Variants in CACNG2 observed in about 807,000 individuals in gnomAD.
CACNG2 encodes the protein calcium voltage-gated channel auxiliary subunit gamma 2, also known as voltage-dependent calcium channel gamma-2 subunit.
CACNG2 carries 3 observed loss-of-function variants against 25.9 expected under a neutral mutation model. The ratio of observed to expected loss-of-function variants is 0.12; its 90% confidence interval spans 0.05 to 0.30. CACNG2 has a LOEUF of 0.30. Among genes scored for constraint, CACNG2 ranks in the 10% least tolerant of loss-of-function variants. CACNG2 has a pLI of 1.00. For missense variants in CACNG2, 341 were observed against 432.5 expected, an observed-to-expected ratio of 0.79 and a Z score of 1.88; for synonymous variants, 167 against 173.3, an observed-to-expected ratio of 0.96 and a Z score of 0.29.
chr22:36,646,922 G>A (rs9622439), intron 1 of CACNG2, among the ~76,000 whole-genome samples: 20,803 of 151,900 alleles, frequency 0.14, 3,822 homozygotes, highest in African/African-American at 0.42. Context: ...TTTTCTTATA[G>A]CCTGTGGGAT....
intron 1 of CACNG2, among the ~76,000 whole-genome samples, chr22:36,628,339 T>C (rs1936215875): frequency 1.3e-5 from 2 of 152,212 alleles, no homozygotes; most frequent in Non-Finnish European, 2.9e-5. Context: ...CCCAGATGGA[T>C]ATTAGAGAGG....
intron 1 of CACNG2, among the ~76,000 whole-genome samples, chr22:36,701,700 G>A (rs908737351): frequency 6.6e-6 from 1 of 152,172 alleles, no homozygotes; most frequent in Non-Finnish European, 1.5e-5. Context: ...TGTGAGAGAC[G>A]TATGTATTTT....
chr22:36,699,672 G>A (rs989337609), intron 1 of CACNG2, among the ~76,000 whole-genome samples: 1 of 151,824 alleles, frequency 6.6e-6, no homozygotes, highest in Non-Finnish European at 1.5e-5. Context: ...GATCTTTTTT[G>A]AAAGTCCAAT....
At chr22:36,611,020 A>G (rs944779142) in intron 1 of CACNG2, among the ~76,000 whole-genome samples, 1 of 152,150 alleles carries the variant, frequency 6.6e-6, no homozygotes, top group Non-Finnish European at 1.5e-5. Flanking sequence ...GTGTTGTGAC[A>G]CTCTGGAATC....
At chr22:36,572,527 C>T (rs1935249701) in intron 2 of CACNG2, among the ~76,000 whole-genome samples, 1 of 152,128 alleles carries the variant, frequency 6.6e-6, no homozygotes, top group South Asian at 2.1e-4. Context: ...TATGGCGAAA[C>T]CCCATCTCTA....
chr22:36,679,197 C>CTTT lies in CACNG2; in HGVS notation c.211+23168_211+23169insAAA, dbSNP rs1937060219. Among the ~76,000 whole-genome samples, 313 of 54,792 alleles carry CTTT rather than the reference C, an allele frequency of 5.7e-3. 3 individuals carry two copies. Among genetic ancestry groups the CTTT allele is most frequent in the Middle Eastern group, 0.013 (1 of 80 alleles). 35.9% of individuals were successfully genotyped at this position (54,792 alleles called of 152,430 possible). A position where few individuals can be genotyped will look rare whatever the true frequency, so the allele number is the denominator to read the frequency against. On this transcript the variant is annotated intron_variant, in intron 1 of 3. Transcript: ENST00000300105. ...TCCTTCCTTCCTTCCTTCCTTCCTT[C>CTTT]CTTTCTTTCTTTCTTTCTTTCTTTC...
intron 1 of CACNG2, among the ~76,000 whole-genome samples, chr22:36,680,261 C>T (rs1378406174): frequency 5.9e-5 from 9 of 151,456 alleles, no homozygotes; most frequent in Admixed American, 2.0e-4. Context: ...ATCATCAACA[C>T]CACCACCATC....
In CACNG2 at chr22:36,564,376, G is replaced by A; in HGVS notation, c.947C>T (p.Ala316Val). 1.9e-6 allele frequency: 3 copies of A among 1,613,962 alleles called. No individual in the cohort carries two copies. Among genetic ancestry groups the A allele is most frequent in the Non-Finnish European group, 2.5e-6 (3 of 1,179,910 alleles). The change falls in exon 4 of 4, where the codon GCC (alanine) becomes GTC (valine). Residue 316 changes from alanine (A) to valine (V), a missense_variant. This residue lies in a region of CACNG2 where 172 missense variants were observed against 178.1 expected (regional missense o/e 0.97). Coordinates refer to ENST00000300105, the MANE Select transcript of CACNG2 (RefSeq NM_006078.5). This position sits in a 1 kb window ranked among gnomAD's most constrained non-coding sequence, Gnocchi z 6.7. The stretch of plus-strand genomic sequence containing the variant: ...TTATACGGGGGTGGTCCGGCGGTTG[G>A]CTGTGTTGGAGTGGAGAGAGTCCTT... The part of the protein sequence containing the change: ...ENKDSLHSNT[A>V]NRRTTPV
At position 36,696,564 on chromosome 22, in the gene CACNG2, A is replaced by G. The variant is rs117807180; in HGVS notation, c.211+5802T>C. ...AGGTAGATTGACTTCTTGCACTGTC[A>G]TGATTGCTGTGGGCACAGCAGTGAG... On this transcript the variant is annotated intron_variant, in intron 1 of 3. Coordinates refer to ENST00000300105, the MANE Select transcript of CACNG2 (RefSeq NM_006078.5). Among the ~76,000 whole-genome samples the G allele has an allele frequency of 2.8e-3, 425 of 152,322 alleles. 21 individuals are homozygous for G. In the East Asian group the frequency reaches 0.062, roughly 22 times the overall value.
intron 1 of CACNG2, among the ~76,000 whole-genome samples, chr22:36,607,244 G>C (rs1397327583): frequency 1.3e-5 from 2 of 152,042 alleles, no homozygotes; most frequent in East Asian, 3.9e-4. Context: ...CCCCAAACCT[G>C]TCTTGGCCCT....
At chr22:36,592,922 G>C (rs906526695) in intron 1 of CACNG2, among the ~76,000 whole-genome samples, 2 of 152,166 alleles carry the variant, frequency 1.3e-5, no homozygotes, top group African/African-American at 4.8e-5. Flanking sequence ...GGCTCTCATC[G>C]GCAGGGCAGT....
chr22:36,601,734 C>T (rs551217493), intron 1 of CACNG2, among the ~76,000 whole-genome samples: 9 of 152,294 alleles, frequency 5.9e-5, no homozygotes, highest in African/African-American at 1.2e-4. Flanking sequence ...CCATGCGCCT[C>T]GGCCTCCTGA....
At chr22:36,599,616 C>A (rs181108102) in intron 1 of CACNG2, among the ~76,000 whole-genome samples, 1 of 152,226 alleles carries the variant, frequency 6.6e-6, no homozygotes, top group Admixed American at 6.5e-5. Context: ...AGGAGGACTG[C>A]TAGAGCCTGG....
Position 36,625,026 on chromosome 22 carries a change from CAAAA to C in CACNG2, c.212-37482_212-37479del, listed in dbSNP as rs57987215. ...CTGGCAACAGAGTGAGACTCTGTCT[CAAAA>C]AAAAAAAAAAAAGAACCACAGATTA... On this transcript the variant is annotated intron_variant, in intron 1 of 3. Transcript: ENST00000300105. Among the ~76,000 whole-genome samples the C allele has an allele frequency of 5.5e-4, 37 of 67,634 alleles. 1 individual carries two copies. In the East Asian group the frequency reaches 0.017, roughly 32 times the overall value. 44.4% of individuals were successfully genotyped at this position (67,634 alleles called of 152,430 possible).
In CACNG2 at chr22:36,627,984, G is replaced by C. The variant is rs1200584430; in HGVS notation, c.212-40436C>G. Among the ~76,000 whole-genome samples the C allele has an allele frequency of 2.6e-5, 4 of 152,144 alleles. No individual in the cohort carries two copies. The East Asian group carries it at 7.7e-4, about 29-fold the overall frequency. ...TGATGTTAAGAAAAAAGAGAAAATTGTGCATACAATATGAACTGAATCCTA... is the reference window on the plus strand; with the variant it reads ...TGATGTTAAGAAAAAAGAGAAAATTCTGCATACAATATGAACTGAATCCTA... On this transcript the variant is annotated intron_variant, in intron 1 of 3. Coordinates refer to ENST00000300105, the MANE Select transcript of CACNG2 (RefSeq NM_006078.5).
chr22:36,571,768 T>C (rs1447796469), intron 2 of CACNG2, among the ~76,000 whole-genome samples: 1 of 151,486 alleles, frequency 6.6e-6, no homozygotes, highest in Non-Finnish European at 1.5e-5. Flanking sequence ...CCCCAGCTAC[T>C]TGGGGGGCTG....
chr22:36,568,974 C>T (rs1228825711), intron 2 of CACNG2, among the ~76,000 whole-genome samples: 1 of 152,136 alleles, frequency 6.6e-6, no homozygotes, highest in Non-Finnish European at 1.5e-5. Flanking sequence ...GGGAGGTGTT[C>T]TCTCCTTGCA....
At chr22:36,676,684 T>C (rs1937024398) in intron 1 of CACNG2, among the ~76,000 whole-genome samples, 1 of 152,236 alleles carries the variant, frequency 6.6e-6, no homozygotes, top group Admixed American at 6.5e-5. Context: ...AGCATTTTCC[T>C]CTTCGTCTGT....
At chr22:36,575,945 C>T (rs1043507381) in intron 2 of CACNG2, among the ~76,000 whole-genome samples, 5 of 152,222 alleles carry the variant, frequency 3.3e-5, no homozygotes, top group African/African-American at 1.2e-4. Flanking sequence ...CAGTCACAGA[C>T]CTGCACAGAC....
Sources: gnomAD v4.1 joint callset for allele counts (sites outside exome capture counted in the v4.1 genomes callset) on GRCh38, gnomAD v4.1.1 for gene constraint, gnomAD v4.1.1 regional missense constraint, Gnocchi (gnomAD v3.1) non-coding constraint, MANE v1.5 for transcripts, NCBI Gene and HGNC (gene_info 2026-07-23, HGNC 2026-07-21) for gene names.